Variants in CYP2R1 observed in about 807,000 individuals in gnomAD.
CYP2R1 encodes vitamin D 25-hydroxylase.
A neutral mutation model predicts 45.7 loss-of-function variants in CYP2R1; 40 were observed. That is an observed-to-expected ratio of 0.87 (90% CI 0.68 to 1.14). The LOEUF is 1.14. Ranked by LOEUF, CYP2R1 falls within the 50% of genes most tolerant of loss-of-function variation. The pLI, the probability that CYP2R1 is intolerant of heterozygous loss-of-function variation, is 0.00. For missense variants in CYP2R1, 605 were observed against 602.6 expected (o/e 1.00, Z -0.04); for synonymous variants, 234 against 219.3 (o/e 1.07, Z -0.59).
In CYP2R1 at chr11:14,880,593, C is replaced by T. The variant is rs782031481; in HGVS notation, c.543G>A (p.Gln181=). Residue 181 remains glutamine (Q), a synonymous_variant, in exon 3 of 5, where the codon CAG becomes CAA. Coordinates refer to ENST00000334636, the MANE Select transcript of CYP2R1 (RefSeq NM_024514.5). ...TGTTTGAAACAGCATTCGTTATTAA[C>T]TGTTTAAAGTCAAAAGGTCTACCTT... ...TYKGRPFDFK[Q]LITNAVSNIT... The T allele has an allele frequency of 1.9e-6, 3 of 1,612,944 alleles. No homozygotes were observed. The highest frequency in any genetic ancestry group is 2.2e-5 in the East Asian group (1 of 44,866).
At chr11:14,889,168 T>TG (rs1442910749) in intron 1 of CYP2R1, among the ~76,000 whole-genome samples, 2 of 149,430 alleles carry the variant, frequency 1.3e-5, no homozygotes, top group Non-Finnish European at 2.9e-5. Context: ...CCAGTTGTTT[T>TG]TTTTTTTTTT....
chr11:14,884,544 A>C, intron 2 of CYP2R1, among the ~76,000 whole-genome samples: 1 of 77,814 alleles, frequency 1.3e-5, no homozygotes, highest in South Asian at 5.4e-4. Flanking sequence ...GGGTGGGGGG[A>C]GGGGGAGGGA....
At chr11:14,881,984 C>T (rs1848404867) in intron 2 of CYP2R1, among the ~76,000 whole-genome samples, 1 of 152,086 alleles carries the variant, frequency 6.6e-6, no homozygotes, top group Non-Finnish European at 1.5e-5. Context: ...AATTTACATT[C>T]CAACAACTTA....
intron 2 of CYP2R1, among the ~76,000 whole-genome samples, chr11:14,883,748 A>C (rs1400144878): frequency 3.9e-5 from 6 of 152,132 alleles, no homozygotes; most frequent in African/African-American, 2.4e-5. Context: ...TGAACAGGCA[A>C]CCTACAAAAT....
intron 2 of CYP2R1, among the ~76,000 whole-genome samples, chr11:14,882,203 A>C (rs781808244): frequency 3.3e-5 from 5 of 152,146 alleles, no homozygotes; most frequent in Non-Finnish European, 5.9e-5. Context: ...TGTATCAGGG[A>C]ACAAAAGAAG....
intron 1 of CYP2R1, chr11:14,891,699 G>A: frequency 2.5e-6 from 3 of 1,220,948 alleles, no homozygotes; most frequent in Non-Finnish European, 3.1e-6. Flanking sequence ...AGGCGCAGGA[G>A]CAAGAGCTCG....
intron 2 of CYP2R1, among the ~76,000 whole-genome samples, chr11:14,881,699 A>C (rs1335687966): frequency 6.6e-6 from 1 of 152,066 alleles, no homozygotes; most frequent in Non-Finnish European, 1.5e-5. Context: ...ACCTCTCCCT[A>C]CTTGCTCTGT....
chr11:14,878,412 A>G, intron 4 of CYP2R1, 115 bp from the exon 5 acceptor site: 1 of 1,001,324 alleles, frequency 1.0e-6, no homozygotes, highest in South Asian at 1.5e-5. Context: ...GAAAGAGGGA[A>G]CTATGTTTAT....
chr11:14,878,033 T>C lies in CYP2R1; in HGVS notation c.*89A>G. ...ATTTGGCTTTTTGATGCTGTGACTT[T>C]TATTCTAATACACACATTGATTTGA... On this transcript the variant is annotated 3_prime_UTR_variant, in exon 5 of 5. Transcript: ENST00000334636. 2.1e-6 allele frequency: 3 copies of C among 1,420,716 alleles called. No individual in the cohort carries two copies. Among genetic ancestry groups the C allele is most frequent in the Non-Finnish European group, 2.9e-6 (3 of 1,027,066 alleles). The allele number at this position is 1,420,716 out of a possible 1,614,324, so 88.0% of individuals were successfully genotyped here.
At position 14,880,508 on chromosome 11, in the gene CYP2R1, T is replaced by C. The variant is rs1555011778; in HGVS notation, c.628A>G (p.Met210Val). Residue 210 changes from methionine (M) to valine (V), a missense_variant, in exon 3 of 5, where the codon ATG (methionine) becomes GTG (valine). By Grantham distance (21) the Met-to-Val change is conservative. Transcript: ENST00000334636. ...FTYEDTDFQH[M>V]IELFSENVEL... ...ACATTTTCACTAAATAACTCAATCA[T>C]GTGCTGAAAATCGGTGTCTTCATAA... 1.9e-6 allele frequency: 3 copies of C among 1,613,428 alleles called. No individual in the cohort carries two copies. The highest frequency in any genetic ancestry group is 2.5e-6 in the Non-Finnish European group (3 of 1,179,592).
Position 14,892,207 on chromosome 11 carries a change from G to A in CYP2R1, c.-2C>T, listed in dbSNP as rs200462787. On this transcript the variant is annotated 5_prime_UTR_variant, in exon 1 of 5. Transcript: ENST00000334636. The stretch of plus-strand genomic sequence containing the variant: ...TTCAGCTCTCCAAAGCTTCCACATC[G>A]GCCCGAGCTGGAGGTGCGAACTCCA... 23 of 1,609,016 alleles carry A rather than the reference G, an allele frequency of 1.4e-5. No individual in the cohort carries two copies. Among genetic ancestry groups the A allele is most frequent in the Non-Finnish European group, 1.9e-5 (22 of 1,179,544 alleles).
At chr11:14,884,199 A>G (rs1848511561) in intron 2 of CYP2R1, among the ~76,000 whole-genome samples, 3 of 152,020 alleles carry the variant, frequency 2.0e-5, no homozygotes, top group Non-Finnish European at 2.9e-5. Flanking sequence ...CCAAAGGACT[A>G]TAAATCATGC....
At chr11:14,884,784 T>TAAA (rs1565183596) in intron 2 of CYP2R1, among the ~76,000 whole-genome samples, 1 of 152,118 alleles carries the variant, frequency 6.6e-6, no homozygotes, top group African/African-American at 2.4e-5. Flanking sequence ...ATAAAAACAG[T>TAAA]CTAAACAATA....
chr11:14,878,195 A>G lies in CYP2R1; in HGVS notation c.1433T>C (p.Val478Ala). Reference sequence around the variant, plus strand: ...GCCTAACCTGGGCTTCAGATCTGGAACTAGTTCATGTGGAAAATGCAAATG... The same window carrying G: ...GCCTAACCTGGGCTTCAGATCTGGAGCTAGTTCATGTGGAAAATGCAAATG... ...RFHLHFPHEL[V>A]PDLKPRLGMT... Residue 478 changes from valine (V) to alanine (A), a missense_variant, in exon 5 of 5, where the codon GTT becomes GCT. Coordinates refer to ENST00000334636, the MANE Select transcript of CYP2R1 (RefSeq NM_024514.5). 1 of 1,613,330 alleles carries G rather than the reference A, an allele frequency of 6.2e-7. No homozygotes were observed. Among genetic ancestry groups the G allele is most frequent in the African/African-American group, 1.3e-5 (1 of 74,978 alleles).
In CYP2R1 at chr11:14,892,210, C is replaced by T. The variant is rs942716642; in HGVS notation, c.-5G>A. 3 of 1,608,952 alleles carry T rather than the reference C, an allele frequency of 1.9e-6. No individual in the cohort carries two copies. The highest frequency in any genetic ancestry group is 2.5e-6 in the Non-Finnish European group (3 of 1,179,528). On this transcript the variant is annotated 5_prime_UTR_variant, in exon 1 of 5. Transcript: ENST00000334636. ...AGCTCTCCAAAGCTTCCACATCGGC[C>T]CGAGCTGGAGGTGCGAACTCCACAG...
chr11:14,891,685 G>T, intron 1 of CYP2R1: 2 of 1,193,546 alleles, frequency 1.7e-6, no homozygotes, highest in Non-Finnish European at 2.1e-6. Flanking sequence ...GAGCCAAACG[G>T]CGCAGGCGCA....
rs1027038987 is a variant in CYP2R1 at position 14,891,373 on chromosome 11, T to C, written c.225+608A>G. 11 of 985,726 alleles carry C rather than the reference T, an allele frequency of 1.1e-5. No homozygotes were observed. The Admixed American group carries it at 3.1e-4, about 27-fold the overall frequency. The allele number at this position is 985,726 out of a possible 1,614,324, so 61.1% of individuals were successfully genotyped here. A position where few individuals can be genotyped will look rare whatever the true frequency, so the allele number is the denominator to read the frequency against. On this transcript the variant is annotated intron_variant, in intron 1 of 4. Transcript: ENST00000334636. ...GTCAGAACGGCATTACCATCTGCGCTGTAGGACCCCCGCAGCGGATTTTAG... is the reference window on the plus strand; with the variant it reads ...GTCAGAACGGCATTACCATCTGCGCCGTAGGACCCCCGCAGCGGATTTTAG...
chr11:14,884,884 A>G (rs1417174607), intron 2 of CYP2R1, among the ~76,000 whole-genome samples: 1 of 152,030 alleles, frequency 6.6e-6, no homozygotes, highest in African/African-American at 2.4e-5. Context: ...AAGGTCTATT[A>G]TAATTGTGGC....
intron 3 of CYP2R1, 81 bp from the exon 4 acceptor site, chr11:14,879,524 G>A: frequency 4.2e-6 from 5 of 1,187,202 alleles, no homozygotes; most frequent in Non-Finnish European, 6.0e-6. Context: ...ATAAAATAAA[G>A]GATAACCTAT....
Sources: allele counts gnomAD v4.1 joint callset (sites outside exome capture counted in the v4.1 genomes callset), GRCh38; gene constraint gnomAD v4.1.1; transcripts MANE v1.5; gene names NCBI Gene and HGNC (gene_info 2026-07-23, HGNC 2026-07-21).